PLEKHG1: variants seen among roughly 807,000 people sequenced by gnomAD.
PLEKHG1 encodes the protein pleckstrin homology and RhoGEF domain containing G1, also known as pleckstrin homology domain-containing family G member 1.
Under a neutral mutation model 100.8 loss-of-function variants are expected in PLEKHG1, and 44 were observed. That is an observed-to-expected ratio of 0.44 (90% CI 0.34 to 0.56). The LOEUF is 0.56. Among genes scored for constraint, PLEKHG1 ranks in the 20% least tolerant of loss-of-function variants. The pLI, the probability that PLEKHG1 is intolerant of heterozygous loss-of-function variation, is 0.01. For missense variants in PLEKHG1, 1,545 were observed against 1,720.9 expected (o/e 0.90, Z 1.81); for synonymous variants, 640 against 662.5 (o/e 0.97, Z 0.52).
chr6:150,634,420 A>C (rs975304491), intron 1 of PLEKHG1, among the ~76,000 whole-genome samples: 1 of 152,136 alleles, frequency 6.6e-6, no homozygotes, highest in Non-Finnish European at 1.5e-5. Flanking sequence ...GGGGAGAAAA[A>C]GGATGGGAAG....
chr6:150,814,220 T>C (rs1202301569), intron 10 of PLEKHG1, among the ~76,000 whole-genome samples: 2 of 152,192 alleles, frequency 1.3e-5, no homozygotes, highest in Non-Finnish European at 2.9e-5. Context: ...TTCTGAGCAA[T>C]GGCAGAGTAT....
chr6:150,781,759 T>TC (rs756343988), intron 3 of PLEKHG1, among the ~76,000 whole-genome samples: 5 of 151,698 alleles, frequency 3.3e-5, no homozygotes, highest in Non-Finnish European at 7.4e-5. Flanking sequence ...TTTTAAAAGA[T>TC]CCTTTCTTTT....
intron 3 of PLEKHG1, among the ~76,000 whole-genome samples, chr6:150,779,054 C>CT (rs2128646333): frequency 6.6e-6 from 1 of 152,268 alleles, no homozygotes; most frequent in African/African-American, 2.4e-5. Flanking sequence ...CTAACCATGA[C>CT]TGTGGCCATG....
intron 3 of PLEKHG1, among the ~76,000 whole-genome samples, chr6:150,652,552 C>G (rs569913205): frequency 6.6e-6 from 1 of 151,798 alleles, no homozygotes; most frequent in African/African-American, 2.4e-5. Flanking sequence ...GAAACCCCGT[C>G]GCTATTAAAA....
intron 1 of PLEKHG1, among the ~76,000 whole-genome samples, chr6:150,604,051 C>A (rs1350219935): frequency 1.3e-5 from 2 of 152,166 alleles, no homozygotes; most frequent in African/African-American, 4.8e-5. Flanking sequence ...CTAGGAAGGG[C>A]AAACCCTTTG....
At chr6:150,784,210 T>G (rs1785479825) in intron 3 of PLEKHG1, among the ~76,000 whole-genome samples, 1 of 152,304 alleles carries the variant, frequency 6.6e-6, no homozygotes, top group Admixed American at 6.5e-5. Flanking sequence ...GCTCAGTGCA[T>G]GAAAAAGACC....
At chr6:150,756,628 A>G (rs1783854750) in intron 2 of PLEKHG1, among the ~76,000 whole-genome samples, 1 of 152,150 alleles carries the variant, frequency 6.6e-6, no homozygotes, top group African/African-American at 2.4e-5. Flanking sequence ...GGCATTACCA[A>G]TCTATGTGAC....
exon 15 of PLEKHG1, chr6:150,832,091 T>C: frequency 6.2e-7 from 1 of 1,614,062 alleles, no homozygotes. Context: ...GAATCAACTT[T>C]TAAAAGTGAA....
rs115943607 is a variant in PLEKHG1, at chr6:150,743,599, C to T, written c.411+9507C>T. ...TACCTGCTGAGATGAACATTACTGT[C>T]TCTACTAAATAACCTCATAAAATGT... is the stretch of plus-strand genomic sequence containing the variant. On this transcript the variant is annotated intron_variant, in intron 2 of 15. Coordinates refer to ENST00000358517, the Ensembl canonical transcript of PLEKHG1. Among the ~76,000 whole-genome samples the T allele has an allele frequency of 8.3e-3, 1,266 of 152,280 alleles. 21 individuals are homozygous for T. Among genetic ancestry groups the T allele is most frequent in the African/African-American group, 0.029 (1,210 of 41,542 alleles).
intron 3 of PLEKHG1, among the ~76,000 whole-genome samples, chr6:150,779,225 C>CT (rs1390433834): frequency 6.6e-6 from 1 of 152,112 alleles, no homozygotes; most frequent in Non-Finnish European, 1.5e-5. Context: ...CACCTGGAGC[C>CT]TGGCTGGGTC....
At chr6:150,795,261 A>G (rs958921455) in intron 4 of PLEKHG1, among the ~76,000 whole-genome samples, 6 of 152,074 alleles carry the variant, frequency 3.9e-5, no homozygotes, top group Non-Finnish European at 8.8e-5. Context: ...GCGGTGACGC[A>G]TGCCTGTAAT....
chr6:150,827,561 C>A, intron 14 of PLEKHG1: 1 of 633,556 alleles, frequency 1.6e-6, no homozygotes. Flanking sequence ...CAGGCGTGAG[C>A]CACTGTGCCT....
intron 2 of PLEKHG1, among the ~76,000 whole-genome samples, chr6:150,762,811 T>C (rs1784233053): frequency 6.6e-6 from 1 of 152,208 alleles, no homozygotes; most frequent in Non-Finnish European, 1.5e-5. Flanking sequence ...CTGATACTTT[T>C]ATCTATAGGC....
intron 5 of PLEKHG1, among the ~76,000 whole-genome samples, chr6:150,798,367 T>C (rs1197836549): frequency 1.3e-5 from 2 of 152,252 alleles, no homozygotes; most frequent in African/African-American, 2.4e-5. Flanking sequence ...AAACATATCA[T>C]TTAAAGAAAT....
intron 3 of PLEKHG1, among the ~76,000 whole-genome samples, chr6:150,705,399 T>C (rs936223030): frequency 6.6e-6 from 1 of 152,262 alleles, no homozygotes; most frequent in Non-Finnish European, 1.5e-5. Flanking sequence ...TCCCCTGTTC[T>C]CTGACACTGT....
At chr6:150,838,476 A>C (rs803402) in intron 15 of PLEKHG1, among the ~76,000 whole-genome samples, 106,130 of 152,064 alleles carry the variant, frequency 0.7, 37,293 homozygotes, top group Non-Finnish European at 0.72. Context: ...CAAGACAATT[A>C]TTCTTCCTCC....
intron 15 of PLEKHG1, among the ~76,000 whole-genome samples, chr6:150,835,285 G>GT (rs34526220): frequency 6.6e-6 from 1 of 152,046 alleles, no homozygotes; most frequent in Non-Finnish European, 1.5e-5. Flanking sequence ...GGGTTTCTGG[G>GT]TTTTTTGGTG....
At chr6:150,760,261 C>T (rs1258196989) in intron 2 of PLEKHG1, among the ~76,000 whole-genome samples, 5 of 152,140 alleles carry the variant, frequency 3.3e-5, no homozygotes, top group Admixed American at 3.3e-4. Context: ...ACCAGCCATT[C>T]CCATTTTCCA....
intron 14 of PLEKHG1, among the ~76,000 whole-genome samples, chr6:150,826,041 C>T (rs946443528): frequency 2.0e-5 from 3 of 151,776 alleles, no homozygotes; most frequent in East Asian, 3.9e-4. Flanking sequence ...ATCAGCAGGG[C>T]GTGGTCGTGG....
Sources: gnomAD v4.1 joint callset for allele counts (sites outside exome capture counted in the v4.1 genomes callset) on GRCh38, gnomAD v4.1.1 for gene constraint, MANE v1.5 for transcripts, NCBI Gene and HGNC (gene_info 2026-07-23, HGNC 2026-07-21) for gene names.